Variants in MCF2L observed in about 807,000 individuals in gnomAD.
MCF2L encodes MCF.2 cell line derived transforming sequence like, also known as guanine nucleotide exchange factor DBS.
Under a neutral mutation model 153.4 loss-of-function variants are expected in MCF2L, and 97 were observed. That is an observed-to-expected ratio of 0.63 (90% CI 0.54 to 0.75). The LOEUF (loss-of-function observed/expected upper bound fraction) is 0.75, where lower values mean the gene tolerates loss of function less well. MCF2L is among the 30% of genes least tolerant of loss of function. The pLI is 0.00. For missense variants in MCF2L, 1,347 were observed against 1,495.2 expected, an observed-to-expected ratio of 0.90 and a Z score of 1.64; for synonymous variants, 659 against 632.2, an observed-to-expected ratio of 1.04 and a Z score of -0.64.
At chr13:112,949,868 T>G (rs562228545) in intron 2 of MCF2L, among the ~76,000 whole-genome samples, 20 of 152,248 alleles carry the variant, frequency 1.3e-4, no homozygotes, top group African/African-American at 4.8e-4. Context: ...TCGCTTTTAT[T>G]CAACATTGTA....
intron 4 of MCF2L, among the ~76,000 whole-genome samples, chr13:113,049,718 C>T (rs1207339044): frequency 1.3e-5 from 2 of 151,958 alleles, no homozygotes; most frequent in African/African-American, 4.9e-5. Context: ...ACAAAGCAAG[C>T]CCGTGGCAGA....
At position 113,097,924 on chromosome 13, in the gene MCF2L, A is replaced by C. The variant is rs2035774092; in HGVS notation, c.*1065A>C. ...GGTGACCACCTTGAGTACAGAAGTG[A>C]AAGTGGGGAGAGTATTTTATTCAAG... is the stretch of plus-strand genomic sequence containing the variant. On this transcript the variant is annotated 3_prime_UTR_variant, in exon 30 of 30. Transcript: ENST00000535094. 6.6e-6 allele frequency: 1 copy of C among 152,186 alleles called. No individual in the cohort carries two copies. The highest frequency in any genetic ancestry group is 2.4e-5 in the African/African-American group (1 of 41,426). The allele number at this position is 152,186 out of a possible 1,614,324, so 9.4% of individuals were successfully genotyped here.
At chr13:113,029,550 C>G (rs1258704729) in intron 3 of MCF2L, among the ~76,000 whole-genome samples, 3 of 152,164 alleles carry the variant, frequency 2.0e-5, no homozygotes, top group Non-Finnish European at 4.4e-5. Flanking sequence ...CCCTGGCGAG[C>G]AAAATTGCCA....
intron 1 of MCF2L, among the ~76,000 whole-genome samples, chr13:112,976,465 C>T (rs943901590): frequency 7.9e-5 from 12 of 152,216 alleles, no homozygotes; most frequent in African/African-American, 2.4e-4. Context: ...TGAAGAGAAG[C>T]ATTCCAGCTG....
chr13:112,903,870 C>T (rs1352378225), intron 2 of MCF2L, among the ~76,000 whole-genome samples: 4 of 152,264 alleles, frequency 2.6e-5, no homozygotes, highest in South Asian at 2.1e-4. Context: ...AACAGTGAAG[C>T]GGGGCTGTCA....
At chr13:113,043,049 G>A (rs1358862485) in intron 3 of MCF2L, 2 of 152,252 alleles carry the variant, frequency 1.3e-5, no homozygotes, top group African/African-American at 4.8e-5. Context: ...TCACTCTCAC[G>A]GTAACCGCTG....
In MCF2L at chr13:112,943,598, A is replaced by C. The variant is rs761167389; in HGVS notation, c.169+41227A>C. ...GCCTTTCAAGGAGGAGGCCCCGTGC[A>C]GGCGCCCAGGCGCAGAGGAGGCGCG... is the stretch of plus-strand genomic sequence containing the variant. On this transcript the variant is annotated intron_variant, in intron 2 of 29. Coordinates refer to the MCF2L transcript ENST00000375608. The surrounding 1 kb of genome is among the most constrained non-coding windows in gnomAD (Gnocchi z 4.2). Among the ~76,000 whole-genome samples the C allele has an allele frequency of 1.1e-4, 16 of 151,904 alleles. No homozygotes were observed. Among genetic ancestry groups the C allele is most frequent in the Non-Finnish European group, 1.8e-4 (12 of 67,932 alleles).
At chr13:113,082,081 G>A (rs1401905323) in intron 16 of MCF2L, among the ~76,000 whole-genome samples, 3 of 152,140 alleles carry the variant, frequency 2.0e-5, no homozygotes, top group East Asian at 1.9e-4. Context: ...CTGAGTCACC[G>A]AGTGTGCACA....
At chr13:113,090,324 G>A in intron 26 of MCF2L, 2 of 1,203,812 alleles carry the variant, frequency 1.7e-6, no homozygotes, top group Non-Finnish European at 2.1e-6. Context: ...ACAGACACCA[G>A]AGTTATTTAG....
At chr13:112,980,199 T>G (rs2082357617) in intron 1 of MCF2L, among the ~76,000 whole-genome samples, 1 of 152,194 alleles carries the variant, frequency 6.6e-6, no homozygotes, top group Non-Finnish European at 1.5e-5. Flanking sequence ...GGACCAAGAA[T>G]GCCATTCAGG....
chr13:113,096,546 G>A lies in MCF2L; in HGVS notation c.3189-4G>A. ...TGGCTGCCGCTGACCCTCGCCCCTT[G>A]CAGGTACGTCAGGGACCCGACCACT... is the stretch of plus-strand genomic sequence containing the variant. On this transcript the variant is annotated splice_polypyrimidine_tract_variant and splice_region_variant and intron_variant, in intron 28 of 29. Coordinates refer to ENST00000535094, the MANE Select transcript of MCF2L (RefSeq NM_001112732.3). The A allele has an allele frequency of 1.2e-6, 2 of 1,602,566 alleles. No homozygotes were observed. The highest frequency in any genetic ancestry group is 1.7e-6 in the Non-Finnish European group (2 of 1,176,536).
chr13:112,981,846 C>T (rs1203096238), intron 1 of MCF2L, among the ~76,000 whole-genome samples: 1 of 152,372 alleles, frequency 6.6e-6, no homozygotes, highest in East Asian at 1.9e-4. Flanking sequence ...CTTGTCCGGC[C>T]CCCTCCCAGC....
intron 29 of MCF2L, 24 bp from the exon 30 acceptor site, chr13:113,096,750 C>A (rs776885636): frequency 1.9e-6 from 3 of 1,559,822 alleles, no homozygotes; most frequent in South Asian, 2.3e-5. Flanking sequence ...CGCCGAAGCC[C>A]GTCCCCGCCT....
rs2086114619 is a variant in MCF2L, at chr13:113,035,711, A to G, written c.279-9560A>G. 6.6e-6 allele frequency among the ~76,000 whole-genome samples: 1 copy of G among 152,132 alleles called. No homozygotes were observed. The highest frequency in any genetic ancestry group is 6.5e-5 in the Admixed American group (1 of 15,276). Reference sequence around the variant, plus strand: ...CCCCGCGAAGCTCCTTGGAGGATGGAGATTTTAAGGTCTTACTGTGGTGTG... The same window carrying G: ...CCCCGCGAAGCTCCTTGGAGGATGGGGATTTTAAGGTCTTACTGTGGTGTG... On this transcript the variant is annotated intron_variant, in intron 3 of 29. Coordinates refer to ENST00000535094, the MANE Select transcript of MCF2L (RefSeq NM_001112732.3). The surrounding 1 kb of genome is among the most constrained non-coding windows in gnomAD (Gnocchi z 4.4).
intron 4 of MCF2L, among the ~76,000 whole-genome samples, chr13:113,059,532 T>C (rs2031008469): frequency 6.6e-6 from 1 of 152,258 alleles, no homozygotes; most frequent in Non-Finnish European, 1.5e-5. Flanking sequence ...TTTCTTTTTT[T>C]GGTGATGGGG....
chr13:112,969,328 C>T lies in MCF2L; in HGVS notation c.-52C>T, dbSNP rs2081963959. 1 of 1,546,682 alleles carries T rather than the reference C, an allele frequency of 6.5e-7. No individual in the cohort carries two copies. Among genetic ancestry groups the T allele is most frequent in the Non-Finnish European group, 8.7e-7 (1 of 1,144,516 alleles). ...CTCGCACGGCCCCACCCGCAGGCGC[C>T]CCCCGTGCGGAGGAAGCGGATCTGC... On this transcript the variant is annotated 5_prime_UTR_variant, in exon 1 of 30. Transcript: ENST00000535094. The surrounding 1 kb of genome is among the most constrained non-coding windows in gnomAD (Gnocchi z 4.8).
At chr13:112,918,180 G>C (rs1365710821) in intron 2 of MCF2L, among the ~76,000 whole-genome samples, 1 of 152,244 alleles carries the variant, frequency 6.6e-6, no homozygotes, top group Non-Finnish European at 1.5e-5. Context: ...GTCCGGGAAG[G>C]CATCTGCGCG....
chr13:113,074,999 T>A lies in MCF2L; in HGVS notation c.1118T>A (p.Val373Glu). The change falls in exon 11 of 30, where the codon GTG becomes GAG. Residue 373 changes from valine to glutamate, a missense_variant and splice_region_variant. By Grantham distance (121) the Val-to-Glu change is moderately radical. This residue lies in a region of MCF2L where 820 missense variants were observed against 921.2 expected (regional missense o/e 0.89). Coordinates refer to ENST00000535094, the MANE Select transcript of MCF2L (RefSeq NM_001112732.3). The surrounding 1 kb of genome is among the most constrained non-coding windows in gnomAD (Gnocchi z 4.2). ...GGTCCTCTGGGTGGCCGTCCACAGG[T>A]GGCCGTGGAGAGGGCCCGGGCCCTG... Reference protein sequence around the residue: ...DLASFEEKSGVAVERARALSL... With the variant: ...DLASFEEKSGEAVERARALSL... The A allele has an allele frequency of 6.3e-7, 1 of 1,596,654 alleles. No homozygotes were observed.
intron 1 of MCF2L, among the ~76,000 whole-genome samples, chr13:112,990,836 C>T (rs933101034): frequency 1.3e-5 from 2 of 152,068 alleles, no homozygotes; most frequent in Non-Finnish European, 2.9e-5. Context: ...CCCTAAACAA[C>T]GGGCAGGGAT....
Sources: gnomAD v4.1 joint callset for allele counts (sites outside exome capture counted in the v4.1 genomes callset) on GRCh38, gnomAD v4.1.1 for gene constraint, gnomAD v4.1.1 regional missense constraint, Gnocchi (gnomAD v3.1) non-coding constraint, MANE v1.5 for transcripts, NCBI Gene and HGNC (gene_info 2026-07-23, HGNC 2026-07-21) for gene names.